PUM2: variants seen among roughly 807,000 people sequenced by gnomAD.
PUM2 encodes the protein pumilio RNA binding family member 2.
In PUM2, 57 loss-of-function variants were observed where a neutral mutation model predicts 124.5. The observed-to-expected ratio is 0.46, with a 90% CI of 0.37 to 0.57. PUM2 has a LOEUF of 0.57. Among genes scored for constraint, PUM2 ranks in the 20% least tolerant of loss-of-function variants. The pLI is 0.00. For missense variants in PUM2, 1,065 were observed against 1,290.6 expected (o/e 0.83, Z 2.68); for synonymous variants, 460 against 446.1 (o/e 1.03, Z -0.39).
intron 18 of PUM2, 51 bp downstream of exon 18, chr2:20,255,165 A>G (rs745784768): frequency 1.4e-5 from 21 of 1,538,774 alleles, no homozygotes; most frequent in Non-Finnish European, 1.9e-5. Context: ...TTAAAAATTA[A>G]AACAATTTCC....
chr2:20,287,051 C>A (rs1408148783), intron 10 of PUM2, among the ~76,000 whole-genome samples: 2 of 151,740 alleles, frequency 1.3e-5, no homozygotes, highest in Non-Finnish European at 1.5e-5. Context: ...AAAACAAAAA[C>A]AAAAAAACAT....
At chr2:20,256,623 A>G (rs1664829347) in intron 16 of PUM2, among the ~76,000 whole-genome samples, 1 of 152,172 alleles carries the variant, frequency 6.6e-6, no homozygotes, top group African/African-American at 2.4e-5. Flanking sequence ...TGAGTTTATC[A>G]AGTACATAGA....
At chr2:20,332,157 T>C (rs577563131) in intron 1 of PUM2, among the ~76,000 whole-genome samples, 7 of 152,276 alleles carry the variant, frequency 4.6e-5, no homozygotes, top group Admixed American at 2.6e-4. Flanking sequence ...AGACCTCTGC[T>C]CTCATTCACT....
At chr2:20,340,254 T>C (rs199809508) in intron 1 of PUM2, among the ~76,000 whole-genome samples, 1 of 152,238 alleles carries the variant, frequency 6.6e-6, no homozygotes, top group East Asian at 1.9e-4. Context: ...GCCAGTTCTA[T>C]AGAATGCTAC....
At chr2:20,266,637 A>C (rs763030324) in intron 13 of PUM2, among the ~76,000 whole-genome samples, 169 of 152,388 alleles carry the variant, frequency 1.1e-3, no homozygotes, top group Non-Finnish European at 2.0e-3. Flanking sequence ...CATACATTAG[A>C]CATTTTAAAT....
chr2:20,345,525 C>T (rs1342369403), intron 1 of PUM2, among the ~76,000 whole-genome samples: 2 of 152,096 alleles, frequency 1.3e-5, no homozygotes, highest in African/African-American at 2.4e-5. Context: ...CACATATCAC[C>T]GTATCACCAG....
intron 7 of PUM2, among the ~76,000 whole-genome samples, chr2:20,301,560 A>G (rs1306133314): frequency 6.6e-6 from 1 of 152,122 alleles, no homozygotes; most frequent in East Asian, 1.9e-4. Context: ...AATTAATCAT[A>G]AATCTCTGTC....
At chr2:20,289,971 T>C (rs1244603324) in intron 10 of PUM2, among the ~76,000 whole-genome samples, 1 of 152,224 alleles carries the variant, frequency 6.6e-6, no homozygotes, top group African/African-American at 2.4e-5. Flanking sequence ...TCTACTGATA[T>C]TCAAATATAG....
intron 2 of PUM2, among the ~76,000 whole-genome samples, chr2:20,320,256 AAAAC>A (rs1300654151): frequency 3.3e-5 from 5 of 152,218 alleles, no homozygotes; most frequent in African/African-American, 4.8e-5. Context: ...CAAAAAACAA[AAAAC>A]AAACAAACAA....
intron 13 of PUM2, among the ~76,000 whole-genome samples, chr2:20,264,705 T>C (rs1483485291): frequency 6.6e-6 from 1 of 152,106 alleles, no homozygotes; most frequent in Admixed American, 6.6e-5. Context: ...TATTATTATA[T>C]GCAAAATCTA....
At chr2:20,345,392 G>C (rs1688055754) in intron 1 of PUM2, among the ~76,000 whole-genome samples, 1 of 152,110 alleles carries the variant, frequency 6.6e-6, no homozygotes, top group South Asian at 2.1e-4. Flanking sequence ...TTACAGGCAT[G>C]GGCCACGTGC....
intron 2 of PUM2, among the ~76,000 whole-genome samples, chr2:20,320,342 GA>G: frequency 6.6e-6 from 1 of 152,214 alleles, no homozygotes; most frequent in East Asian, 1.9e-4. Context: ...AAAAGGATCT[GA>G]ATACAAATGG....
At chr2:20,256,879 C>T (rs1664900945) in intron 16 of PUM2, among the ~76,000 whole-genome samples, 1 of 151,432 alleles carries the variant, frequency 6.6e-6, no homozygotes, top group Non-Finnish European at 1.5e-5. Flanking sequence ...CCGATTACTA[C>T]CAAAAATACA....
chr2:20,285,511 G>A (rs1305940189), intron 10 of PUM2, among the ~76,000 whole-genome samples: 1 of 152,072 alleles, frequency 6.6e-6, no homozygotes, highest in Non-Finnish European at 1.5e-5. Context: ...AAAAATGGGG[G>A]TTCAAACTCC....
chr2:20,295,501 A>C (rs1675295981), intron 8 of PUM2, among the ~76,000 whole-genome samples: 1 of 152,180 alleles, frequency 6.6e-6, no homozygotes, highest in Non-Finnish European at 1.5e-5. Flanking sequence ...ACCTGAAATG[A>C]GGACTATTAA....
intron 7 of PUM2, among the ~76,000 whole-genome samples, chr2:20,302,940 T>C (rs192583076): frequency 6.4e-4 from 97 of 152,302 alleles, no homozygotes; most frequent in Non-Finnish European, 1.0e-4. Context: ...CCACGCTTCA[T>C]ACTAACTCTC....
At chr2:20,296,174 C>T (rs1017164138) in intron 8 of PUM2, among the ~76,000 whole-genome samples, 11 of 152,106 alleles carry the variant, frequency 7.2e-5, no homozygotes, top group Admixed American at 1.3e-4. Flanking sequence ...ATTTCTTCCC[C>T]GTTTTTTAAA....
At chr2:20,337,710 T>A (rs1686416509) in intron 1 of PUM2, among the ~76,000 whole-genome samples, 1 of 152,236 alleles carries the variant, frequency 6.6e-6, no homozygotes, top group African/African-American at 2.4e-5. Flanking sequence ...AGCCTTCATA[T>A]GAACTTAATT....
chr2:20,305,463 G>GAAAAAAA (rs67834545), intron 7 of PUM2, among the ~76,000 whole-genome samples: 7 of 46,154 alleles, frequency 1.5e-4, no homozygotes, highest in African/African-American at 2.9e-4. Context: ...CCCTGTCTTC[G>GAAAAAAA]AAAAAAAAAA....
Sources: gnomAD v4.1 joint callset for allele counts (sites outside exome capture counted in the v4.1 genomes callset) on GRCh38, gnomAD v4.1.1 for gene constraint, MANE v1.5 for transcripts, NCBI Gene and HGNC (gene_info 2026-07-23, HGNC 2026-07-21) for gene names.